ACSS3: variants seen among roughly 807,000 people sequenced by gnomAD.
ACSS3 encodes the protein acyl-CoA synthetase short-chain family member 3, mitochondrial.
In ACSS3, 64 loss-of-function variants were observed where a neutral mutation model predicts 84.2. The observed-to-expected ratio is 0.76, with a 90% confidence interval of 0.62 to 0.94. The LOEUF is 0.94. Ranked by LOEUF, ACSS3 falls within the 40% of genes least tolerant of loss-of-function variation. The pLI is 0.00. For synonymous variants in ACSS3, 317 were observed against 310.1 expected, an observed-to-expected ratio of 1.02 and a Z score of -0.23; for missense variants, 815 against 867.6, an observed-to-expected ratio of 0.94 and a Z score of 0.76.
intron 1 of ACSS3, among the ~76,000 whole-genome samples, chr12:81,106,546 G>A (rs796120812): frequency 1.3e-5 from 2 of 152,200 alleles, no homozygotes; most frequent in African/African-American, 4.8e-5. Context: ...ACCCCAGTTC[G>A]GTGAAAACAT....
At chr12:81,154,902 T>C (rs957657228) in intron 7 of ACSS3, among the ~76,000 whole-genome samples, 4 of 152,294 alleles carry the variant, frequency 2.6e-5, no homozygotes, top group Middle Eastern at 6.8e-3. Context: ...GTCTTTCCTT[T>C]CTTGGTTAAC....
At chr12:81,189,801 A>G (rs1309690702) in intron 8 of ACSS3, among the ~76,000 whole-genome samples, 1 of 152,018 alleles carries the variant, frequency 6.6e-6, no homozygotes, top group Non-Finnish European at 1.5e-5. Flanking sequence ...TTTATTGTTC[A>G]TTTTACCTTT....
At chr12:81,222,724 T>C (rs561906859) in intron 11 of ACSS3, among the ~76,000 whole-genome samples, 3 of 152,138 alleles carry the variant, frequency 2.0e-5, no homozygotes, top group South Asian at 2.1e-4. Flanking sequence ...AAATCACTGA[T>C]TTGTTCTCCT....
At chr12:81,254,373 C>T (rs770106645) in intron 15 of ACSS3, among the ~76,000 whole-genome samples, 4 of 152,036 alleles carry the variant, frequency 2.6e-5, no homozygotes, top group South Asian at 2.1e-4. Flanking sequence ...TTGAGGCTAG[C>T]GGCAGTAGAT....
At chr12:81,244,423 G>A (rs888462621) in intron 13 of ACSS3, among the ~76,000 whole-genome samples, 3 of 151,886 alleles carry the variant, frequency 2.0e-5, no homozygotes, top group Non-Finnish European at 4.4e-5. Flanking sequence ...TAATTTGGGG[G>A]AAACTCTCAG....
intron 1 of ACSS3, among the ~76,000 whole-genome samples, chr12:81,089,950 T>C (rs559288824): frequency 2.8e-4 from 42 of 152,176 alleles, no homozygotes; most frequent in Middle Eastern, 3.4e-3. Flanking sequence ...CCCAGTTGGG[T>C]CACACTGTAG....
intron 7 of ACSS3, among the ~76,000 whole-genome samples, chr12:81,159,403 A>T (rs1887039277): frequency 6.6e-6 from 1 of 152,190 alleles, no homozygotes; most frequent in South Asian, 2.1e-4. Context: ...TATATGTTTT[A>T]TAGACAGAGA....
chr12:81,199,079 C>T (rs925379451), intron 8 of ACSS3, among the ~76,000 whole-genome samples: 77 of 152,250 alleles, frequency 5.1e-4, no homozygotes, highest in Non-Finnish European at 9.6e-4. Flanking sequence ...CAGAGATCAA[C>T]TCAATTGCTC....
chr12:81,127,393 G>C (rs1363979999), intron 2 of ACSS3, among the ~76,000 whole-genome samples: 1 of 152,050 alleles, frequency 6.6e-6, no homozygotes, highest in Non-Finnish European at 1.5e-5. Flanking sequence ...TTAATGCATG[G>C]ACTAAAGAAT....
intron 2 of ACSS3, chr12:81,124,348 T>C (rs1884899029): frequency 6.6e-6 from 1 of 152,220 alleles, no homozygotes; most frequent in South Asian, 2.1e-4. Flanking sequence ...TGTTCACTTT[T>C]CTGTTATCCG....
Position 81,216,987 on chromosome 12 carries a change from G to T in ACSS3, c.1441G>T (p.Gly481Ter). ...PPGQAGKSVP[G>*]YNVMILDDNM... ...AGGGCAAGCAGGAAAAAGCGTCCCA[G>T]GATACAATGGTAAGGAATGACCCTG... The change falls in exon 10 of 16, where the codon GGA (glycine) becomes TGA (stop). Residue 481 changes from glycine (G) to a stop codon, truncating the protein, a stop_gained. Coordinates refer to ENST00000548058, the MANE Select transcript of ACSS3 (RefSeq NM_024560.4). LOFTEE classifies it high-confidence loss of function. 1.2e-6 allele frequency: 2 copies of T among 1,608,654 alleles called. No individual in the cohort carries two copies. The highest frequency in any genetic ancestry group is 1.7e-6 in the Non-Finnish European group (2 of 1,175,986).
chr12:81,197,474 G>T (rs763819769), intron 8 of ACSS3, among the ~76,000 whole-genome samples: 1 of 152,152 alleles, frequency 6.6e-6, no homozygotes, highest in South Asian at 2.1e-4. Flanking sequence ...CTATCTCTTT[G>T]TAATACCCTC....
At chr12:81,181,697 T>A (rs2030933872) in intron 8 of ACSS3, among the ~76,000 whole-genome samples, 2 of 80,206 alleles carry the variant, frequency 2.5e-5, no homozygotes. Context: ...GAAATATATA[T>A]CATAAAAAAG....
intron 9 of ACSS3, among the ~76,000 whole-genome samples, chr12:81,213,957 C>CCCTTTCTTTCTT (rs1555181708): frequency 4.1e-5 from 2 of 49,112 alleles, no homozygotes; most frequent in East Asian, 4.4e-4. Flanking sequence ...CTCCCTCTCT[C>CCCTTTCTTTCTT]TCTTTCTTTC....
chr12:81,129,333 G>GA (rs71098122), intron 2 of ACSS3, among the ~76,000 whole-genome samples: 1 of 151,594 alleles, frequency 6.6e-6, no homozygotes, highest in African/African-American at 2.4e-5. Flanking sequence ...AACTCAGAAT[G>GA]AAAAAAAATG....
intron 2 of ACSS3, among the ~76,000 whole-genome samples, chr12:81,133,725 A>C (rs143181590): frequency 3.2e-4 from 48 of 152,022 alleles, no homozygotes; most frequent in African/African-American, 1.1e-3. Context: ...TAGATAATTT[A>C]CTTATTTATT....
rs143441073 is a variant in ACSS3, at chr12:81,168,289, A to G, written c.1099-6499A>G. Among the ~76,000 whole-genome samples, 774 of 152,242 alleles carry G rather than the reference A, an allele frequency of 5.1e-3. 10 individuals carry two copies. Among genetic ancestry groups the G allele is most frequent in the African/African-American group, 0.015 (607 of 41,548 alleles). On this transcript the variant is annotated intron_variant, in intron 7 of 15. Transcript: ENST00000548058. Reference sequence around the variant, plus strand: ...AAGCTGTTTCTGAGACCAGTAGAAAATCTTTAAGGAGCATTTTGTGTTTTG... The same window carrying G: ...AAGCTGTTTCTGAGACCAGTAGAAAGTCTTTAAGGAGCATTTTGTGTTTTG...
At chr12:81,128,033 AT>A (rs1197639458) in intron 2 of ACSS3, among the ~76,000 whole-genome samples, 4 of 152,186 alleles carry the variant, frequency 2.6e-5, no homozygotes, top group Non-Finnish European at 4.4e-5. Context: ...TTTTCATTTT[AT>A]AACTGAAATT....
chr12:81,140,396 T>C (rs1350974387), intron 4 of ACSS3, among the ~76,000 whole-genome samples: 3 of 151,998 alleles, frequency 2.0e-5, no homozygotes, highest in South Asian at 4.2e-4. Flanking sequence ...AGATTAAATT[T>C]TTTTTTTTGC....
Sources: gnomAD v4.1 joint callset for allele counts (sites outside exome capture counted in the v4.1 genomes callset) on GRCh38, gnomAD v4.1.1 for gene constraint, MANE v1.5 for transcripts, NCBI Gene and HGNC (gene_info 2026-07-23, HGNC 2026-07-21) for gene names.